LPP: variants seen among roughly 807,000 people sequenced by gnomAD.
LPP encodes the protein LIM domain containing preferred translocation partner in lipoma.
A neutral mutation model predicts 60.4 loss-of-function variants in LPP; 38 were observed. The observed-to-expected ratio is 0.63, with a 90% confidence interval of 0.49 to 0.83. LPP has a LOEUF of 0.83. Ranked by LOEUF, LPP falls within the 40% of genes least tolerant of loss-of-function variation. The probability of loss-of-function intolerance (pLI) is 0.00; values close to 1 mark genes in which losing one functional copy is unlikely to be tolerated. For missense variants in LPP, 902 were observed against 783.6 expected (o/e 1.15, Z -1.80); for synonymous variants, 328 against 290.8 (o/e 1.13, Z -1.30).
At chr3:188,674,015 C>A (rs1857479316) in intron 7 of LPP, among the ~76,000 whole-genome samples, 1 of 151,574 alleles carries the variant, frequency 6.6e-6, no homozygotes, top group East Asian at 1.9e-4. Flanking sequence ...CATTCCAAAC[C>A]CATTATAAGC....
chr3:188,509,675 TTC>T (rs1560497400), intron 5 of LPP, among the ~76,000 whole-genome samples: 9,709 of 59,956 alleles, frequency 0.16, 932 homozygotes, highest in African/African-American at 0.2. Context: ...CCTTCCTTCC[TTC>T]CTTCCTTCCT....
At chr3:188,626,625 G>C (rs1846895640) in intron 7 of LPP, among the ~76,000 whole-genome samples, 1 of 151,982 alleles carries the variant, frequency 6.6e-6, no homozygotes, top group South Asian at 2.1e-4. Context: ...GTCCTCACAT[G>C]GTCTTTCCTC....
intron 2 of LPP, among the ~76,000 whole-genome samples, chr3:188,337,316 T>C (rs1761937359): frequency 6.6e-6 from 1 of 152,190 alleles, no homozygotes; most frequent in South Asian, 2.1e-4. Flanking sequence ...CACTGGTTGC[T>C]CTTTTTCTTG....
At chr3:188,581,233 C>T (rs1001107695) in intron 6 of LPP, among the ~76,000 whole-genome samples, 3 of 151,886 alleles carry the variant, frequency 2.0e-5, no homozygotes, top group African/African-American at 4.8e-5. Context: ...CAAGCAGAAC[C>T]ATGAGAATGC....
At chr3:188,872,456 G>A (rs141485352) in intron 10 of LPP, among the ~76,000 whole-genome samples, 187 bp from the exon 11 acceptor site, 18 of 152,168 alleles carry the variant, frequency 1.2e-4, no homozygotes, top group Middle Eastern at 3.4e-3. Flanking sequence ...CTCTCACCTC[G>A]CCAAATATCA....
In LPP at chr3:188,156,485, G is replaced by T. The variant is rs1194022255; in HGVS notation, c.-190+2233G>T. Among the ~76,000 whole-genome samples, 7 of 152,164 alleles carry T rather than the reference G, an allele frequency of 4.6e-5. 1 individual carries two copies. On this transcript the variant is annotated intron_variant, in intron 1 of 11. Transcript: ENST00000617246. ...GACATGATTTAGAGGGGAGGTACTG[G>T]CATCGAGAAGCCCCCTGCTGCCCAA... is the stretch of plus-strand genomic sequence containing the variant.
rs911740343 is a variant in LPP, at chr3:188,875,141, C to T, written c.*662C>T. On this transcript the variant is annotated 3_prime_UTR_variant, in exon 12 of 12. Transcript: ENST00000617246. ...TCAAGGCTAATTGGAAAAGAGTTATCGGCCCATAGCTAATAAGTAGTGACA... is the reference window on the plus strand; with the variant it reads ...TCAAGGCTAATTGGAAAAGAGTTATTGGCCCATAGCTAATAAGTAGTGACA... 4.6e-6 allele frequency: 1 copy of T among 217,236 alleles called. No homozygotes were observed. Among genetic ancestry groups the T allele is most frequent in the Non-Finnish European group, 9.3e-6 (1 of 108,060 alleles). 13.5% of individuals were successfully genotyped at this position (217,236 alleles called of 1,614,324 possible). A position where few individuals can be genotyped will look rare whatever the true frequency, so the allele number is the denominator to read the frequency against.
chr3:188,597,191 A>G (rs143355114), intron 6 of LPP, among the ~76,000 whole-genome samples: 1 of 152,168 alleles, frequency 6.6e-6, no homozygotes, highest in African/African-American at 2.4e-5. Context: ...GAAAATGTAG[A>G]GATGTGTGAT....
intron 9 of LPP, among the ~76,000 whole-genome samples, chr3:188,838,641 T>C (rs1157561423): frequency 6.6e-6 from 1 of 152,110 alleles, no homozygotes; most frequent in African/African-American, 2.4e-5. Flanking sequence ...ATAAAGAAAA[T>C]GTGGCACATA....
chr3:188,633,926 A>G (rs539275410), intron 7 of LPP, among the ~76,000 whole-genome samples: 48 of 152,272 alleles, frequency 3.2e-4, no homozygotes, highest in Non-Finnish European at 6.0e-4. Flanking sequence ...TTTGTTCCAG[A>G]CATGGCTTAC....
intron 9 of LPP, among the ~76,000 whole-genome samples, chr3:188,761,210 G>A (rs149294296): frequency 1.3e-5 from 2 of 152,238 alleles, no homozygotes; most frequent in African/African-American, 4.8e-5. Flanking sequence ...AGACACCTTG[G>A]TTTCTTTACC....
intron 8 of LPP, among the ~76,000 whole-genome samples, chr3:188,743,382 T>C (rs935346785): frequency 6.6e-6 from 1 of 151,848 alleles, no homozygotes; most frequent in Admixed American, 6.6e-5. Flanking sequence ...CCACTTCACA[T>C]TGTACTAGGG....
chr3:188,846,703 A>AG (rs1761519447), intron 9 of LPP, among the ~76,000 whole-genome samples: 2 of 139,342 alleles, frequency 1.4e-5, no homozygotes, highest in African/African-American at 5.7e-5. Flanking sequence ...AAAAAAAAAA[A>AG]GAGAGAGAAA....
chr3:188,731,519 T>TTGTTTTGTTTTGTTTTG (rs1720540552), intron 8 of LPP, among the ~76,000 whole-genome samples: 4 of 151,366 alleles, frequency 2.6e-5, no homozygotes, highest in African/African-American at 9.7e-5. Flanking sequence ...TTTGTTTTTT[T>TTGTTTTGTTTTGTTTTG]TGTTTTGTTT....
intron 4 of LPP, among the ~76,000 whole-genome samples, chr3:188,448,185 C>T (rs1201700431): frequency 2.0e-5 from 3 of 152,046 alleles, no homozygotes; most frequent in African/African-American, 4.8e-5. Flanking sequence ...AACAATTGTA[C>T]TTGTTGGCAG....
At chr3:188,781,471 C>A (rs1357070944) in intron 9 of LPP, among the ~76,000 whole-genome samples, 1 of 152,130 alleles carries the variant, frequency 6.6e-6, no homozygotes, top group African/African-American at 2.4e-5. Context: ...AATTGGCTCA[C>A]AGTTCCACAC....
At chr3:188,257,265 T>C (rs1730292829) in intron 2 of LPP, among the ~76,000 whole-genome samples, 1 of 152,228 alleles carries the variant, frequency 6.6e-6, no homozygotes, top group Non-Finnish European at 1.5e-5. Flanking sequence ...AGCTTTTTTC[T>C]GACTGCTAAT....
intron 2 of LPP, among the ~76,000 whole-genome samples, chr3:188,323,214 C>A (rs1757451245): frequency 6.6e-6 from 1 of 152,190 alleles, no homozygotes; most frequent in Non-Finnish European, 1.5e-5. Flanking sequence ...GACATAAAAA[C>A]ATCCTTTCAT....
chr3:188,574,695 G>A (rs907164156), intron 6 of LPP, among the ~76,000 whole-genome samples: 1 of 151,912 alleles, frequency 6.6e-6, no homozygotes, highest in Non-Finnish European at 1.5e-5. Flanking sequence ...TTTCTCTTTT[G>A]CCAGCGTAAT....
Sources: gnomAD v4.1 joint callset for allele counts (sites outside exome capture counted in the v4.1 genomes callset) on GRCh38, gnomAD v4.1.1 for gene constraint, MANE v1.5 for transcripts, NCBI Gene and HGNC (gene_info 2026-07-23, HGNC 2026-07-21) for gene names.